CPT1A: variants seen among roughly 807,000 people sequenced by gnomAD.
CPT1A encodes carnitine palmitoyltransferase 1A.
CPT1A carries 64 observed loss-of-function variants against 100.8 expected under a neutral mutation model. The observed-to-expected ratio is 0.63, with a 90% CI of 0.52 to 0.78. CPT1A has a LOEUF of 0.78. CPT1A is among the 30% of genes least tolerant of loss of function. The pLI is 0.00. For synonymous variants in CPT1A, 363 were observed against 396.0 expected, an observed-to-expected ratio of 0.92 and a Z score of 0.99; for missense variants, 802 against 1,034.1, an observed-to-expected ratio of 0.78 and a Z score of 3.08.
chr11:68,791,039 G>C (rs938628043), intron 9 of CPT1A, among the ~76,000 whole-genome samples: 1 of 152,122 alleles, frequency 6.6e-6, no homozygotes, highest in African/African-American at 2.4e-5. Flanking sequence ...GGCCAGGCTG[G>C]TGTCGAACTC....
intron 17 of CPT1A, among the ~76,000 whole-genome samples, chr11:68,760,002 C>T (rs1315649402): frequency 6.6e-6 from 1 of 152,140 alleles, no homozygotes; most frequent in Admixed American, 6.5e-5. Context: ...ATCATGCTTA[C>T]TGCACTCCAG....
chr11:68,773,425 T>C lies in CPT1A; in HGVS notation c.1580A>G (p.Gln527Arg). ...RLQWDIPGEC[Q>R]EVIETSLNTA... ...GTTCAGGGAGGTCTCTATAACCTCT[T>C]GACACTTGAGAGAAAGAAGAAAAAG... Residue 527 changes from glutamine to arginine, a missense_variant, in exon 14 of 19, where the codon CAA becomes CGA. This residue lies in a region of CPT1A where 627 missense variants were observed against 799.3 expected (regional missense o/e 0.78). Coordinates refer to ENST00000265641, the MANE Select transcript of CPT1A (RefSeq NM_001876.4). 6.2e-7 allele frequency: 1 copy of C among 1,614,008 alleles called. No individual in the cohort carries two copies. The highest frequency in any genetic ancestry group is 8.5e-7 in the Non-Finnish European group (1 of 1,179,924).
At chr11:68,843,697 G>A (rs1015666591), upstream of CPT1A, among the ~76,000 whole-genome samples, 3 of 152,236 alleles carry the variant, frequency 2.0e-5, no homozygotes, top group African/African-American at 7.2e-5. This position sits in a 1 kb window ranked among gnomAD's most constrained non-coding sequence, Gnocchi z 4.0. Flanking sequence ...CCCTGCTTGC[G>A]CTTGTCTGGA....
intron 1 of CPT1A, among the ~76,000 whole-genome samples, chr11:68,837,830 GA>G (rs1004719804): frequency 8.7e-5 from 13 of 150,248 alleles, no homozygotes; most frequent in African/African-American, 2.4e-4. Context: ...TGTCACTAAA[GA>G]AAAAAAAAGA....
At chr11:68,818,234 T>G (rs1856486289) in intron 1 of CPT1A, among the ~76,000 whole-genome samples, 1 of 152,086 alleles carries the variant, frequency 6.6e-6, no homozygotes, top group Non-Finnish European at 1.5e-5. Context: ...CTGCACTTGC[T>G]GGTGAAATGG....
At position 68,757,534 on chromosome 11, in the gene CPT1A, G is replaced by T; in HGVS notation, c.*110C>A. 2 of 1,565,618 alleles carry T rather than the reference G, an allele frequency of 1.3e-6. No individual in the cohort carries two copies. Among genetic ancestry groups the T allele is most frequent in the Admixed American group, 3.7e-5 (2 of 53,340 alleles). Reference sequence around the variant, plus strand: ...CCACATTTTCTGGAAGGAAAACTGAGTTTTTTTAAGAGCAGTGTTTCATCC... The same window carrying T: ...CCACATTTTCTGGAAGGAAAACTGATTTTTTTTAAGAGCAGTGTTTCATCC... On this transcript the variant is annotated 3_prime_UTR_variant, in exon 19 of 19. Transcript: ENST00000265641.
chr11:68,802,985 C>T (rs1855946768), intron 5 of CPT1A, among the ~76,000 whole-genome samples: 1 of 152,042 alleles, frequency 6.6e-6, no homozygotes, highest in African/African-American at 2.4e-5. Context: ...AGTGCCTTGC[C>T]CCTGGGGGCC....
At chr11:68,784,028 C>A (rs1264857302) in intron 10 of CPT1A, among the ~76,000 whole-genome samples, 1 of 152,122 alleles carries the variant, frequency 6.6e-6, no homozygotes, top group Non-Finnish European at 1.5e-5. Context: ...CACCACCAAG[C>A]CTGGCTAATT....
chr11:68,807,388 G>C (rs1018548706), intron 4 of CPT1A, 79 bp downstream of exon 4: 1 of 1,404,578 alleles, frequency 7.1e-7, no homozygotes, highest in African/African-American at 1.4e-5. Flanking sequence ...GGTCGCAGGG[G>C]TGTCCTTCCG....
chr11:68,812,567 T>C lies in CPT1A; in HGVS notation c.151A>G (p.Ile51Val), dbSNP rs1248835397. 6.2e-7 allele frequency: 1 copy of C among 1,614,186 alleles called. No homozygotes were observed. The highest frequency in any genetic ancestry group is 1.7e-5 in the Admixed American group (1 of 60,022). ...GGGCTTGCCGGGTACACGCCAGTGA[T>C]GATGCCGTTCTAAAGACAGACACCC... ...KKFIRFKNGIITGVYPASPSS... is the reference protein window; with the variant it reads ...KKFIRFKNGIVTGVYPASPSS... The change falls in exon 3 of 19, where the codon ATC becomes GTC. Residue 51 changes from isoleucine to valine, a missense_variant. Physicochemically the swap from Ile to Val is conservative, Grantham distance 29. This residue lies in a region of CPT1A where 161 missense variants were observed against 183.7 expected (regional missense o/e 0.88). Coordinates refer to ENST00000265641, the MANE Select transcript of CPT1A (RefSeq NM_001876.4).
At chr11:68,760,136 G>A in intron 17 of CPT1A, 89 bp downstream of exon 17, 3 of 899,404 alleles carry the variant, frequency 3.3e-6, no homozygotes, top group Non-Finnish European at 5.4e-6. Context: ...GGTAACGGGG[G>A]CACCCAGCAC....
At chr11:68,764,116 CCCTG>C (rs951477467) in intron 14 of CPT1A, among the ~76,000 whole-genome samples, 1 of 152,142 alleles carries the variant, frequency 6.6e-6, no homozygotes, top group African/African-American at 2.4e-5. Context: ...CAGCAAGGGC[CCCTG>C]CTGGGAATAG....
At chr11:68,821,657 A>G (rs1856585328) in intron 1 of CPT1A, among the ~76,000 whole-genome samples, 1 of 152,324 alleles carries the variant, frequency 6.6e-6, no homozygotes, top group Middle Eastern at 3.4e-3. Context: ...TGCTATGTAA[A>G]CAGTTGTTAT....
Position 68,773,272 on chromosome 11 carries a change from T to C in CPT1A, c.1733A>G (p.His578Arg). The C allele has an allele frequency of 1.2e-6, 2 of 1,614,060 alleles. No homozygotes were observed. The highest frequency in any genetic ancestry group is 1.7e-6 in the Non-Finnish European group (2 of 1,180,014). ...AFVQLALQLA[H>R]YKDMGKFCLT... ...TAGGCGGTCAGTTCTTACCTTGTAG[T>C]GCGCCAGCTGGAGGGCCAGCTGCAC... Residue 578 changes from histidine to arginine, a missense_variant, in exon 14 of 19, where the codon CAC becomes CGC. This residue lies in a region of CPT1A where 627 missense variants were observed against 799.3 expected (regional missense o/e 0.78). Coordinates refer to ENST00000265641, the MANE Select transcript of CPT1A (RefSeq NM_001876.4).
intron 8 of CPT1A, 73 bp downstream of exon 8, chr11:68,794,731 A>G (rs1855710275): frequency 1.6e-6 from 2 of 1,261,256 alleles, no homozygotes; most frequent in African/African-American, 1.5e-5. Context: ...TATTTTAAAC[A>G]TGTGCAATAT....
intron 1 of CPT1A, among the ~76,000 whole-genome samples, chr11:68,818,448 CGG>C (rs1856491698): frequency 6.6e-6 from 1 of 152,168 alleles, no homozygotes; most frequent in Non-Finnish European, 1.5e-5. Flanking sequence ...ACGACACACC[CGG>C]GAGGTATCAG....
rs544892999 is a variant in CPT1A, at chr11:68,762,673, G to A, written c.1829C>T (p.Thr610Ile). ...GRTETVRSCTTESCDFVRAMV... is the reference protein window; with the variant it reads ...GRTETVRSCTIESCDFVRAMV... ...GGCCCGCACGAAGTCGCATGACTCA[G>A]TGGTGCAGGAGCGCACGGTCTCCGT... Residue 610 changes from threonine to isoleucine, a missense_variant, in exon 15 of 19, where the codon ACT becomes ATT. By Grantham distance (89) the Thr-to-Ile change is moderately conservative. Transcript: ENST00000265641. 10 of 1,614,012 alleles carry A rather than the reference G, an allele frequency of 6.2e-6. No homozygotes were observed. In the South Asian group the frequency reaches 8.8e-5, roughly 14 times the overall value.
At chr11:68,842,567 C>T (rs1464287021), upstream of CPT1A, among the ~76,000 whole-genome samples, 2 of 152,184 alleles carry the variant, frequency 1.3e-5, no homozygotes, top group African/African-American at 4.8e-5. Flanking sequence ...CGTGGCTCCT[C>T]CTCATCTAGC....
chr11:68,785,599 A>G (rs1855438716), intron 9 of CPT1A: 1 of 126,562 alleles, frequency 7.9e-6, no homozygotes, highest in Non-Finnish European at 1.5e-5. Context: ...AGCAAAATGG[A>G]ATATTATCAT....
Sources: gnomAD v4.1 joint callset for allele counts (sites outside exome capture counted in the v4.1 genomes callset) on GRCh38, gnomAD v4.1.1 for gene constraint, gnomAD v4.1.1 regional missense constraint, Gnocchi (gnomAD v3.1) non-coding constraint, MANE v1.5 for transcripts, NCBI Gene and HGNC (gene_info 2026-07-23, HGNC 2026-07-21) for gene names.